MAGI2: variants seen among roughly 807,000 people sequenced by gnomAD.
The protein encoded by MAGI2 is membrane associated guanylate kinase, WW and PDZ domain containing 2, also known as membrane-associated guanylate kinase, WW and PDZ domain-containing protein 2.
In MAGI2, 35 loss-of-function variants were observed where a neutral mutation model predicts 133.3. That is an observed-to-expected ratio of 0.26 (90% CI 0.20 to 0.35). The LOEUF (loss-of-function observed/expected upper bound fraction) is 0.35, where lower values mean the gene tolerates loss of function less well. Among genes scored for constraint, MAGI2 ranks in the 10% least tolerant of loss-of-function variants. The pLI is 1.00. For synonymous variants in MAGI2, 729 were observed against 710.6 expected (o/e 1.03, Z -0.41); for missense variants, 1,636 against 1,863.4 (o/e 0.88, Z 2.25).
At chr7:78,230,555 C>A (rs1241947278) in intron 10 of MAGI2, among the ~76,000 whole-genome samples, 2 of 152,100 alleles carry the variant, frequency 1.3e-5, no homozygotes, top group African/African-American at 4.8e-5. Flanking sequence ...CATTCTGATA[C>A]CTGTTTTTAA....
intron 10 of MAGI2, among the ~76,000 whole-genome samples, chr7:78,224,403 T>C (rs1789147529): frequency 6.6e-6 from 1 of 152,166 alleles, no homozygotes; most frequent in Non-Finnish European, 1.5e-5. Context: ...CGGTGGCTCA[T>C]GCCTATAATC....
intron 1 of MAGI2, among the ~76,000 whole-genome samples, chr7:79,372,535 C>T (rs1843110698): frequency 6.6e-6 from 1 of 151,938 alleles, no homozygotes; most frequent in Non-Finnish European, 1.5e-5. Flanking sequence ...GATTGCTGTA[C>T]CTCATTGCCT....
chr7:78,388,068 G>A (rs750988697), intron 6 of MAGI2, among the ~76,000 whole-genome samples: 4 of 152,122 alleles, frequency 2.6e-5, no homozygotes, highest in Non-Finnish European at 5.9e-5. Context: ...TAGGTATTTA[G>A]GTAAGTATAT....
At chr7:78,199,476 T>C (rs1037457411) in intron 11 of MAGI2, among the ~76,000 whole-genome samples, 2 of 152,158 alleles carry the variant, frequency 1.3e-5, no homozygotes, top group Non-Finnish European at 2.9e-5. Context: ...GTGAGAGGGG[T>C]GTTACTATCT....
intron 21 of MAGI2, among the ~76,000 whole-genome samples, chr7:78,035,450 GAAC>G (rs1255741017): frequency 1.4e-5 from 2 of 146,914 alleles, no homozygotes; most frequent in African/African-American, 5.0e-5. Flanking sequence ...GGAACAGATT[GAAC>G]AAGCAGGTTT....
chr7:79,397,110 A>G (rs966142711), intron 1 of MAGI2, among the ~76,000 whole-genome samples: 2 of 150,670 alleles, frequency 1.3e-5, no homozygotes, highest in African/African-American at 4.9e-5. Flanking sequence ...TATGAAAATC[A>G]TAGAATAAAC....
At chr7:78,808,905 G>A (rs370129249) in intron 2 of MAGI2, among the ~76,000 whole-genome samples, 4 of 152,256 alleles carry the variant, frequency 2.6e-5, no homozygotes, top group African/African-American at 7.2e-5. Flanking sequence ...TTAGCAACAC[G>A]CTGGCATCTT....
chr7:78,592,828 CTTTTTT>C (rs10675572), intron 3 of MAGI2, among the ~76,000 whole-genome samples: 21 of 106,848 alleles, frequency 2.0e-4, no homozygotes, highest in South Asian at 9.6e-4. Context: ...TACTGATTCT[CTTTTTT>C]TTTTTTTTTT....
chr7:78,456,247 T>A (rs1454801554), intron 6 of MAGI2, among the ~76,000 whole-genome samples: 1 of 152,154 alleles, frequency 6.6e-6, no homozygotes, highest in Non-Finnish European at 1.5e-5. Flanking sequence ...TGGTGTGGCA[T>A]TTGCTGTCAG....
chr7:78,637,181 C>T (rs1313967623), intron 2 of MAGI2, among the ~76,000 whole-genome samples: 1 of 152,168 alleles, frequency 6.6e-6, no homozygotes, highest in Non-Finnish European at 1.5e-5. Context: ...AGAAAATAAG[C>T]CATCCTTCAT....
chr7:78,910,677 G>T (rs1209937327), intron 2 of MAGI2, among the ~76,000 whole-genome samples: 1 of 152,080 alleles, frequency 6.6e-6, no homozygotes, highest in Non-Finnish European at 1.5e-5. Context: ...TGGGAAAACG[G>T]TACTGGTTAG....
At chr7:78,328,526 CACA>C (rs1788823240) in intron 9 of MAGI2, among the ~76,000 whole-genome samples, 2 of 110,422 alleles carry the variant, frequency 1.8e-5, no homozygotes, top group African/African-American at 3.4e-5. Flanking sequence ...CACACACACA[CACA>C]CCCCTCTCTC....
chr7:79,188,204 C>T (rs956238471), intron 1 of MAGI2, among the ~76,000 whole-genome samples: 1 of 151,766 alleles, frequency 6.6e-6, no homozygotes, highest in African/African-American at 2.4e-5. Flanking sequence ...TTTGCTGCAC[C>T]TATCAACCCA....
At chr7:79,411,206 AGGCAGAATAAT>A (rs1846118164) in intron 1 of MAGI2, 1 of 151,924 alleles carries the variant, frequency 6.6e-6, no homozygotes, top group Non-Finnish European at 1.5e-5. Context: ...GCTTTGTGGT[AGGCAGAATAAT>A]GGCTCCCAAA....
rs1240144275 is a variant in MAGI2, at chr7:78,264,141, T to C, written c.1409-7560A>G. On this transcript the variant is annotated intron_variant, in intron 9 of 21. Transcript: ENST00000354212. ...GCATTGACTACCATTTTAATATACT[T>C]AATATTTATCTGGCATTTACAAACT... Among the ~76,000 whole-genome samples, 5 of 152,142 alleles carry C rather than the reference T, an allele frequency of 3.3e-5. No homozygotes were observed. The East Asian group carries it at 9.6e-4, about 29-fold the overall frequency.
rs17147858 is a variant in MAGI2 at position 78,921,549 on chromosome 7, T to C, written c.418+85541A>G. ...CTTCAATCAATAAAATGCTTCCAGA[T>C]TTCTAGTAAATTGAAAACAGCACAG... On this transcript the variant is annotated intron_variant, in intron 2 of 21. Coordinates refer to ENST00000354212, the MANE Select transcript of MAGI2 (RefSeq NM_012301.4). 1.8e-3 allele frequency among the ~76,000 whole-genome samples: 271 copies of C among 152,186 alleles called. 5 individuals carry two copies. In the East Asian group the frequency reaches 0.044, roughly 24 times the overall value.
intron 1 of MAGI2, among the ~76,000 whole-genome samples, chr7:79,419,243 T>C (rs2129178137): frequency 6.6e-6 from 1 of 152,144 alleles, no homozygotes; most frequent in East Asian, 1.9e-4. Flanking sequence ...CTGAGATGCC[T>C]AGAATACCCA....
intron 1 of MAGI2, among the ~76,000 whole-genome samples, chr7:79,097,454 G>T (rs1263911463): frequency 6.6e-6 from 1 of 152,168 alleles, no homozygotes; most frequent in Non-Finnish European, 1.5e-5. Flanking sequence ...GAATGAGAAA[G>T]CTTCCTGCTG....
chr7:79,074,961 AT>A (rs775753729), intron 1 of MAGI2, among the ~76,000 whole-genome samples: 1 of 152,218 alleles, frequency 6.6e-6, no homozygotes, highest in South Asian at 2.1e-4. Context: ...TGGTTCAAAT[AT>A]TTCATGAGAA....
Sources: allele counts gnomAD v4.1 joint callset (sites outside exome capture counted in the v4.1 genomes callset), GRCh38; gene constraint gnomAD v4.1.1; transcripts MANE v1.5; gene names NCBI Gene and HGNC (gene_info 2026-07-23, HGNC 2026-07-21).